Variants in FILIP1L observed in about 807,000 individuals in gnomAD.
FILIP1L encodes the protein filamin A interacting protein 1 like.
Under a neutral mutation model 96.6 loss-of-function variants are expected in FILIP1L, and 55 were observed. The observed-to-expected ratio is 0.57, with a 90% CI of 0.46 to 0.71. FILIP1L has a LOEUF of 0.71. FILIP1L is among the 30% of genes least tolerant of loss of function. The pLI, the probability that FILIP1L is intolerant of heterozygous loss-of-function variation, is 0.00. For synonymous variants in FILIP1L, 467 were observed against 473.9 expected (o/e 0.99, Z 0.19); for missense variants, 1,304 against 1,321.2 (o/e 0.99, Z 0.20).
chr3:99,988,511 C>CAAAAAAAAA (rs757175318), intron 1 of FILIP1L, among the ~76,000 whole-genome samples: 1 of 47,870 alleles, frequency 2.1e-5, no homozygotes, highest in African/African-American at 6.8e-5. Context: ...GACTCCATCT[C>CAAAAAAAAA]AAAAAAAAAA....
At chr3:100,065,988 A>G (rs1161449878) in intron 1 of FILIP1L, among the ~76,000 whole-genome samples, 2 of 152,194 alleles carry the variant, frequency 1.3e-5, no homozygotes, top group Non-Finnish European at 2.9e-5. Context: ...TGGGAATGCG[A>G]CCCAGCAATA....
At chr3:99,952,309 A>C (rs7622552) in intron 1 of FILIP1L, among the ~76,000 whole-genome samples, 238 of 152,290 alleles carry the variant, frequency 1.6e-3, no homozygotes, top group Middle Eastern at 3.4e-3. Context: ...CTAGACATCT[A>C]AGGTATTTTC....
intron 1 of FILIP1L, among the ~76,000 whole-genome samples, chr3:100,097,126 A>G (rs1293151161): frequency 1.3e-5 from 2 of 152,212 alleles, no homozygotes; most frequent in African/African-American, 4.8e-5. Flanking sequence ...TCATAGGAGC[A>G]CAAACCCTAT....
chr3:99,968,491 G>C (rs1169346156), intron 1 of FILIP1L, among the ~76,000 whole-genome samples: 3 of 152,022 alleles, frequency 2.0e-5, no homozygotes, highest in Non-Finnish European at 4.4e-5. Context: ...GGCTATCCAG[G>C]TAAATAAACA....
At chr3:100,029,925 GTT>G (rs1559731786) in intron 1 of FILIP1L, among the ~76,000 whole-genome samples, 1 of 152,148 alleles carries the variant, frequency 6.6e-6, no homozygotes, top group Non-Finnish European at 1.5e-5. Flanking sequence ...ATCTTGGAAC[GTT>G]TAGAAGCAGC....
intron 5 of FILIP1L, among the ~76,000 whole-genome samples, chr3:99,835,349 C>A (rs537334172): frequency 6.6e-6 from 1 of 152,290 alleles, no homozygotes; most frequent in South Asian, 2.1e-4. Flanking sequence ...GTTTTCATGT[C>A]TTTTGTTTGA....
intron 4 of FILIP1L, among the ~76,000 whole-genome samples, chr3:99,897,358 A>G (rs1399303201): frequency 3.3e-5 from 5 of 152,046 alleles, no homozygotes; most frequent in African/African-American, 9.6e-5. Flanking sequence ...GACAAGAGCT[A>G]GACTTTGTCT....
At chr3:99,902,473 G>A (rs185724384) in intron 4 of FILIP1L, among the ~76,000 whole-genome samples, 17 of 152,278 alleles carry the variant, frequency 1.1e-4, no homozygotes, top group Non-Finnish European at 2.2e-4. Flanking sequence ...TGATTCTATG[G>A]CATGGTAATA....
chr3:99,872,929 T>A (rs896214745), intron 4 of FILIP1L, among the ~76,000 whole-genome samples: 35 of 151,910 alleles, frequency 2.3e-4, no homozygotes, highest in African/African-American at 8.2e-4. Context: ...TTTTTTTTTT[T>A]TAAAAAAAGG....
chr3:99,842,298 A>G (rs939417550), intron 5 of FILIP1L, among the ~76,000 whole-genome samples: 1 of 152,226 alleles, frequency 6.6e-6, no homozygotes, highest in Non-Finnish European at 1.5e-5. Context: ...ACACAGAGGC[A>G]TAAGAATGAT....
intron 4 of FILIP1L, among the ~76,000 whole-genome samples, chr3:99,863,271 A>G (rs1467781043): frequency 6.6e-6 from 1 of 152,138 alleles, no homozygotes; most frequent in Non-Finnish European, 1.5e-5. Context: ...GCTGCTGCTG[A>G]TCTAACAGGA....
At chr3:99,879,463 T>C (rs1479753225) in intron 4 of FILIP1L, among the ~76,000 whole-genome samples, 1 of 152,244 alleles carries the variant, frequency 6.6e-6, no homozygotes, top group East Asian at 1.9e-4. Context: ...AATATACTGC[T>C]AATCACATCA....
intron 4 of FILIP1L, among the ~76,000 whole-genome samples, chr3:99,916,220 C>T (rs1706945069): frequency 6.6e-6 from 1 of 152,074 alleles, no homozygotes. Flanking sequence ...GAATTAACTG[C>T]CTGGGTTAAT....
At chr3:100,098,820 G>A (rs1559757022) in intron 1 of FILIP1L, among the ~76,000 whole-genome samples, 2 of 152,242 alleles carry the variant, frequency 1.3e-5, no homozygotes, top group Non-Finnish European at 2.9e-5. Context: ...AATATTTTAG[G>A]GATCTCAAAT....
At chr3:99,988,339 TCCAAAAAAAAAA>T (rs1409110071) in intron 1 of FILIP1L, among the ~76,000 whole-genome samples, 4 of 28,362 alleles carry the variant, frequency 1.4e-4, no homozygotes, top group Admixed American at 4.7e-4. Context: ...CTACTAAAAA[TCCAAAAAAAAAA>T]AAAAAAAAAA....
Position 100,038,600 on chromosome 3 carries a change from G to T in FILIP1L, c.-11+75453C>A, listed in dbSNP as rs568280973. Among the ~76,000 whole-genome samples, 3 of 152,308 alleles carry T rather than the reference G, an allele frequency of 2.0e-5. No homozygotes were observed. In the East Asian group the frequency reaches 5.8e-4, roughly 29 times the overall value. On this transcript the variant is annotated intron_variant, in intron 1 of 5. Transcript: ENST00000477258. ...TTTTGTAGGGACTGGAAGTAAATAG[G>T]ATTATTCATTTATCCAATACTATGC...
intron 1 of FILIP1L, among the ~76,000 whole-genome samples, chr3:100,071,053 A>G (rs1376769235): frequency 6.7e-6 from 1 of 150,024 alleles, no homozygotes; most frequent in African/African-American, 2.5e-5. Flanking sequence ...TTTTTAAAAG[A>G]AAGGGGTTTG....
chr3:99,901,641 CTAAA>C (rs1439779061), intron 4 of FILIP1L, among the ~76,000 whole-genome samples: 3 of 152,162 alleles, frequency 2.0e-5, no homozygotes, highest in African/African-American at 7.2e-5. Context: ...TATTCTAAAG[CTAAA>C]TAGTCAAAGT....
chr3:100,013,865 A>G (rs1370044970), intron 1 of FILIP1L, among the ~76,000 whole-genome samples: 2 of 152,154 alleles, frequency 1.3e-5, no homozygotes, highest in South Asian at 2.1e-4. Flanking sequence ...AGTGTACAAT[A>G]TGTTGTTAAC....
Sources: gnomAD v4.1 joint callset for allele counts (sites outside exome capture counted in the v4.1 genomes callset) on GRCh38, gnomAD v4.1.1 for gene constraint, MANE v1.5 for transcripts, NCBI Gene and HGNC (gene_info 2026-07-23, HGNC 2026-07-21) for gene names.